The following TRPM3 variants were observed in gnomAD, a reference collection of about 807,000 sequenced individuals.
TRPM3 encodes the protein long transient receptor potential channel 3.
A neutral mutation model predicts 181.2 loss-of-function variants in TRPM3; 77 were observed. That is an observed-to-expected ratio of 0.42 (90% CI 0.35 to 0.51). The LOEUF is 0.51. TRPM3 is among the 20% of genes least tolerant of loss of function. The pLI is 0.01. For synonymous variants in TRPM3, 745 were observed against 796.4 expected, an observed-to-expected ratio of 0.94 and a Z score of 1.09; for missense variants, 1,759 against 2,196.7, an observed-to-expected ratio of 0.80 and a Z score of 3.98.
In TRPM3 at chr9:70,603,480, G is replaced by C. The variant is rs764922174; in HGVS notation, c.2668-10C>G. On this transcript the variant is annotated splice_polypyrimidine_tract_variant and intron_variant, in intron 19 of 25. Transcript: ENST00000677713. ...ATCCGATATACGCCAGCTGTAAGGA[G>C]ACACAATACAGTGCTCTGGCTGTTC... 1.2e-6 allele frequency: 2 copies of C among 1,613,812 alleles called. No homozygotes were observed. The highest frequency in any genetic ancestry group is 1.1e-5 in the South Asian group (1 of 90,992).
chr9:71,087,059 G>A (rs505676), intron 1 of TRPM3, among the ~76,000 whole-genome samples: 35,601 of 151,776 alleles, frequency 0.23, 4,934 homozygotes, highest in East Asian at 0.4. Flanking sequence ...AAAATTTTTG[G>A]ACACCATTGC....
intron 1 of TRPM3, among the ~76,000 whole-genome samples, chr9:71,212,533 G>T (rs1456236390): frequency 6.6e-6 from 1 of 152,112 alleles, no homozygotes; most frequent in African/African-American, 2.4e-5. Context: ...CCTTTCATAC[G>T]TAAATGTGCA....
chr9:71,096,701 A>G (rs1373313231), intron 1 of TRPM3, among the ~76,000 whole-genome samples: 1 of 151,458 alleles, frequency 6.6e-6, no homozygotes, highest in East Asian at 1.9e-4. Flanking sequence ...GATTTTATTT[A>G]CCTGGGGTGT....
chr9:71,073,488 G>C (rs1265536861), intron 1 of TRPM3, among the ~76,000 whole-genome samples: 1 of 152,124 alleles, frequency 6.6e-6, no homozygotes, highest in Non-Finnish European at 1.5e-5. Context: ...TCTCATCAGT[G>C]ATTAGTTCCT....
intron 1 of TRPM3, among the ~76,000 whole-genome samples, chr9:70,941,591 C>T (rs998285825): frequency 2.0e-5 from 3 of 152,184 alleles, no homozygotes; most frequent in Non-Finnish European, 4.4e-5. Flanking sequence ...TTCTGTCCCT[C>T]TAGAGAACCC....
intron 1 of TRPM3, among the ~76,000 whole-genome samples, chr9:71,370,092 C>G (rs937795361): frequency 6.6e-6 from 1 of 152,150 alleles, no homozygotes; most frequent in Admixed American, 6.6e-5. Flanking sequence ...TTCGTGTGTT[C>G]TGACTGCTTC....
Position 70,770,182 on chromosome 9 carries a change from G to C in TRPM3, c.1149-8458C>G, listed in dbSNP as rs553392828. On this transcript the variant is annotated intron_variant, in intron 7 of 25. Coordinates refer to ENST00000677713, the MANE Select transcript of TRPM3 (RefSeq NM_001366145.2). Reference sequence around the variant, plus strand: ...GCACTTTGGGAGGCTGAGGTGGCAGGATTGCTTGAGGCCAGGAATTCAAGA... The same window carrying C: ...GCACTTTGGGAGGCTGAGGTGGCAGCATTGCTTGAGGCCAGGAATTCAAGA... 5.6e-4 allele frequency among the ~76,000 whole-genome samples: 86 copies of C among 152,314 alleles called. No homozygotes were observed. In the South Asian group the frequency reaches 7.9e-3, roughly 14 times the overall value.
intron 7 of TRPM3, among the ~76,000 whole-genome samples, chr9:70,772,919 A>G (rs2080619650): frequency 6.6e-6 from 1 of 151,316 alleles, no homozygotes; most frequent in Admixed American, 6.6e-5. Context: ...CCATCAGCGA[A>G]TATTGCCATA....
At chr9:70,681,637 T>G in intron 8 of TRPM3, 59 bp from the exon 9 acceptor site, 1 of 1,382,946 alleles carries the variant, frequency 7.2e-7, no homozygotes, top group Non-Finnish European at 1.0e-6. Context: ...AGAAATTAAA[T>G]CAATGAGACC....
chr9:71,350,292 A>G (rs2091547519), intron 1 of TRPM3, among the ~76,000 whole-genome samples: 1 of 152,232 alleles, frequency 6.6e-6, no homozygotes, highest in Admixed American at 6.5e-5. Context: ...ACAGAACTGT[A>G]GGTCATTACA....
intron 1 of TRPM3, among the ~76,000 whole-genome samples, chr9:71,284,051 C>T (rs957042915): frequency 6.6e-6 from 1 of 152,176 alleles, no homozygotes; most frequent in African/African-American, 2.4e-5. Context: ...AGCTAAATGA[C>T]CCTGGGAAAC....
At chr9:71,005,638 G>C in intron 1 of TRPM3, among the ~76,000 whole-genome samples, 1 of 150,610 alleles carries the variant, frequency 6.6e-6, no homozygotes, top group East Asian at 1.9e-4. Context: ...GTACTGAGAG[G>C]AAAAAAAAAC....
chr9:71,168,496 G>C, intron 1 of TRPM3, among the ~76,000 whole-genome samples: 1 of 133,386 alleles, frequency 7.5e-6, no homozygotes, highest in African/African-American at 2.8e-5. Flanking sequence ...CCCTTCTTTA[G>C]CCCTGACATT....
At position 71,348,711 on chromosome 9, in the gene TRPM3, C is replaced by G. The variant is rs372696490; in HGVS notation, c.183+97942G>C. Reference sequence around the variant, plus strand: ...TCCCGAGTACCTGGGATTACAGGTGCCCCCTACCAAGCCAGGCTAATTTTT... The same window carrying G: ...TCCCGAGTACCTGGGATTACAGGTGGCCCCTACCAAGCCAGGCTAATTTTT... On this transcript the variant is annotated intron_variant, in intron 1 of 24. Coordinates refer to the TRPM3 transcript ENST00000357533. 1.9e-3 allele frequency among the ~76,000 whole-genome samples: 288 copies of G among 151,856 alleles called. 1 individual carries two copies. Among genetic ancestry groups the G allele is most frequent in the South Asian group, 3.5e-3 (17 of 4,794 alleles).
chr9:70,634,003 G>C (rs1009121340), intron 12 of TRPM3, among the ~76,000 whole-genome samples: 1 of 152,276 alleles, frequency 6.6e-6, no homozygotes, highest in East Asian at 1.9e-4. Flanking sequence ...AGCTACCTCT[G>C]AAGGAGATAA....
intron 1 of TRPM3, among the ~76,000 whole-genome samples, chr9:71,164,358 C>G (rs2076426682): frequency 6.6e-6 from 1 of 152,132 alleles, no homozygotes; most frequent in Non-Finnish European, 1.5e-5. Flanking sequence ...TCTTTTTTCT[C>G]TACAATGGCA....
chr9:70,649,516 T>C (rs886944403), intron 9 of TRPM3, among the ~76,000 whole-genome samples: 1 of 152,074 alleles, frequency 6.6e-6, no homozygotes, highest in Admixed American at 6.6e-5. Flanking sequence ...AAGAAGTGTA[T>C]ACATGTGGCC....
intron 1 of TRPM3, among the ~76,000 whole-genome samples, chr9:71,035,436 CA>C (rs1185752910): frequency 6.6e-6 from 1 of 152,210 alleles, no homozygotes; most frequent in Non-Finnish European, 1.5e-5. Context: ...TACTCTTTGG[CA>C]ATGTGCGGCA....
chr9:71,179,457 A>AATTTG (rs1368343340), intron 1 of TRPM3, among the ~76,000 whole-genome samples: 1 of 152,140 alleles, frequency 6.6e-6, no homozygotes. Context: ...TCTGTGTTTG[A>AATTTG]CTTTGCTTTG....
Sources: allele counts gnomAD v4.1 joint callset (sites outside exome capture counted in the v4.1 genomes callset), GRCh38; gene constraint gnomAD v4.1.1; transcripts MANE v1.5; gene names NCBI Gene and HGNC (gene_info 2026-07-23, HGNC 2026-07-21).